The following PTPRK variants were observed in gnomAD, a reference collection of about 807,000 sequenced individuals.
PTPRK encodes protein tyrosine phosphatase receptor type K.
PTPRK carries 75 observed loss-of-function variants against 178.0 expected under a neutral mutation model. The ratio of observed to expected loss-of-function variants is 0.42; its 90% CI spans 0.35 to 0.51. PTPRK has a LOEUF of 0.51. Ranked by LOEUF, PTPRK falls within the 20% of genes least tolerant of loss-of-function variation. The probability of loss-of-function intolerance (pLI) is 0.02; values close to 1 mark genes in which losing one functional copy is unlikely to be tolerated. For synonymous variants in PTPRK, 637 were observed against 620.6 expected, an observed-to-expected ratio of 1.03 and a Z score of -0.39; for missense variants, 1,441 against 1,797.8, an observed-to-expected ratio of 0.80 and a Z score of 3.59.
At chr6:128,355,952 T>G (rs939363659) in intron 2 of PTPRK, among the ~76,000 whole-genome samples, 1 of 152,230 alleles carries the variant, frequency 6.6e-6, no homozygotes, top group Non-Finnish European at 1.5e-5. Context: ...CATCCTTTTC[T>G]GAAATTGTTA....
chr6:128,314,420 G>A (rs1229901895), intron 3 of PTPRK, among the ~76,000 whole-genome samples: 1 of 152,192 alleles, frequency 6.6e-6, no homozygotes, highest in Non-Finnish European at 1.5e-5. Flanking sequence ...AAATAAATAA[G>A]TCAGTACAGC....
chr6:128,321,661 TA>T (rs1828807370), intron 3 of PTPRK: 1 of 618,402 alleles, frequency 1.6e-6, no homozygotes, highest in South Asian at 2.0e-5. Flanking sequence ...AAGATTACAA[TA>T]AACTCAAAAA....
At chr6:128,253,340 A>G (rs1816787736) in intron 3 of PTPRK, among the ~76,000 whole-genome samples, 3 of 152,220 alleles carry the variant, frequency 2.0e-5, no homozygotes, top group Non-Finnish European at 2.9e-5. Flanking sequence ...ATACATAAGC[A>G]AGCAACCTAC....
chr6:128,237,013 T>C (rs1318443338), intron 5 of PTPRK, among the ~76,000 whole-genome samples: 1 of 152,224 alleles, frequency 6.6e-6, no homozygotes, highest in Non-Finnish European at 1.5e-5. Flanking sequence ...AAACGACTGA[T>C]ATATTAATTA....
At chr6:128,493,286 G>A (rs2128431270) in intron 1 of PTPRK, among the ~76,000 whole-genome samples, 1 of 152,138 alleles carries the variant, frequency 6.6e-6, no homozygotes, top group Non-Finnish European at 1.5e-5. Context: ...TAACTGGCTG[G>A]GCGCGGTGGC....
At chr6:128,422,873 A>G (rs1431321340) in intron 1 of PTPRK, among the ~76,000 whole-genome samples, 1 of 152,190 alleles carries the variant, frequency 6.6e-6, no homozygotes, top group Non-Finnish European at 1.5e-5. Flanking sequence ...ATGGGCATAC[A>G]GTCATCTTAA....
Position 128,080,283 on chromosome 6 carries a change from G to A in PTPRK, c.1778-1365C>T, listed in dbSNP as rs117152991. Among the ~76,000 whole-genome samples the A allele has an allele frequency of 8.8e-3, 1,341 of 151,970 alleles. 12 individuals carry two copies. Among genetic ancestry groups the A allele is most frequent in the Non-Finnish European group, 0.014 (929 of 67,924 alleles). On this transcript the variant is annotated intron_variant, in intron 10 of 29. Coordinates refer to ENST00000368226, the MANE Select transcript of PTPRK (RefSeq NM_002844.4). ...CATGGGGAGAAGTAGAGGATGGGAG[G>A]AGTCATGCAAAGAAGGACCCTGAAT...
At chr6:128,016,816 C>T (rs1398665525) in intron 13 of PTPRK, among the ~76,000 whole-genome samples, 1 of 151,838 alleles carries the variant, frequency 6.6e-6, no homozygotes, top group African/African-American at 2.4e-5. Context: ...CATACATATC[C>T]AGTTACCTGT....
chr6:128,262,125 T>G (rs1818267530), intron 3 of PTPRK, among the ~76,000 whole-genome samples: 1 of 152,268 alleles, frequency 6.6e-6, no homozygotes, highest in East Asian at 1.9e-4. Context: ...ACTTTCCAGG[T>G]TTGGATTCAT....
chr6:128,474,380 T>C (rs1002911462), intron 1 of PTPRK, among the ~76,000 whole-genome samples: 8 of 151,584 alleles, frequency 5.3e-5, no homozygotes, highest in African/African-American at 1.9e-4. Flanking sequence ...ACTACATTCT[T>C]CAATGGAAAA....
At chr6:128,180,039 AT>A (rs1338622526) in intron 7 of PTPRK, among the ~76,000 whole-genome samples, 1 of 152,080 alleles carries the variant, frequency 6.6e-6, no homozygotes, top group Admixed American at 6.6e-5. Context: ...TAAATGTATT[AT>A]GTTCTGGACA....
intron 13 of PTPRK, among the ~76,000 whole-genome samples, chr6:128,053,611 C>T (rs1582748592): frequency 6.6e-6 from 1 of 152,070 alleles, no homozygotes; most frequent in Non-Finnish European, 1.5e-5. Flanking sequence ...CCCAACAGTT[C>T]ACCTCCACAT....
chr6:128,475,485 T>C (rs140803826), intron 1 of PTPRK, among the ~76,000 whole-genome samples: 2 of 152,154 alleles, frequency 1.3e-5, no homozygotes, highest in Non-Finnish European at 2.9e-5. Flanking sequence ...CTAGGAATGA[T>C]ACTCTGAAGG....
At chr6:128,190,077 A>C (rs887263252) in intron 6 of PTPRK, among the ~76,000 whole-genome samples, 2 of 152,190 alleles carry the variant, frequency 1.3e-5, no homozygotes, top group African/African-American at 4.8e-5. Context: ...CATATTTAGA[A>C]GCAATTTATT....
At chr6:128,252,250 C>T (rs1411489137) in intron 3 of PTPRK, among the ~76,000 whole-genome samples, 1 of 152,142 alleles carries the variant, frequency 6.6e-6, no homozygotes, top group African/African-American at 2.4e-5. Flanking sequence ...AATGTAATCA[C>T]TAAAAGTATC....
chr6:128,156,144 A>T (rs1797909534), intron 7 of PTPRK, among the ~76,000 whole-genome samples: 1 of 151,916 alleles, frequency 6.6e-6, no homozygotes, highest in Admixed American at 6.6e-5. Flanking sequence ...GTATTCTTTA[A>T]ACTATATGTC....
At chr6:128,408,909 C>A (rs536565459) in intron 1 of PTPRK, among the ~76,000 whole-genome samples, 3 of 152,210 alleles carry the variant, frequency 2.0e-5, no homozygotes, top group East Asian at 1.9e-4. Context: ...AAATACTCAA[C>A]AATTGATTAA....
intron 18 of PTPRK, among the ~76,000 whole-genome samples, chr6:127,994,153 A>T (rs1776894246): frequency 6.6e-6 from 1 of 151,796 alleles, no homozygotes; most frequent in Admixed American, 6.6e-5. Context: ...TATAAAATAT[A>T]TTAGTTCAAC....
At chr6:128,509,816 C>T (rs1856908474) in intron 1 of PTPRK, among the ~76,000 whole-genome samples, 1 of 152,092 alleles carries the variant, frequency 6.6e-6, no homozygotes. Context: ...TAAACAGCCT[C>T]CTGCATAGAT....
Sources: gnomAD v4.1 joint callset for allele counts (sites outside exome capture counted in the v4.1 genomes callset) on GRCh38, gnomAD v4.1.1 for gene constraint, MANE v1.5 for transcripts, NCBI Gene and HGNC (gene_info 2026-07-23, HGNC 2026-07-21) for gene names.